Variants in GRM8 observed in about 807,000 individuals in gnomAD.
GRM8 encodes the protein glutamate metabotropic receptor 8, also known as metabotropic glutamate receptor 8.
Under a neutral mutation model 87.2 loss-of-function variants are expected in GRM8, and 47 were observed. That is an observed-to-expected ratio of 0.54 (90% CI 0.43 to 0.69). GRM8 has a LOEUF of 0.69. Ranked by LOEUF, GRM8 falls within the 30% of genes least tolerant of loss-of-function variation. The probability of loss-of-function intolerance (pLI) is 0.00; values close to 1 mark genes in which losing one functional copy is unlikely to be tolerated. For synonymous variants in GRM8, 396 were observed against 404.5 expected, an observed-to-expected ratio of 0.98 and a Z score of 0.25; for missense variants, 1,019 against 1,139.2, an observed-to-expected ratio of 0.89 and a Z score of 1.52.
chr7:126,696,260 G>T (rs2151383085), intron 7 of GRM8, among the ~76,000 whole-genome samples: 1 of 152,234 alleles, frequency 6.6e-6, no homozygotes, highest in Non-Finnish European at 1.5e-5. Context: ...ACATAAGTAG[G>T]ATGTGCAGGT....
chr7:126,680,296 A>G (rs987848930), intron 7 of GRM8, among the ~76,000 whole-genome samples: 3 of 152,180 alleles, frequency 2.0e-5, no homozygotes, highest in African/African-American at 7.2e-5. Context: ...GTCCTGCCTG[A>G]CCAGCCTGCT....
intron 6 of GRM8, among the ~76,000 whole-genome samples, chr7:126,866,049 C>T (rs903989776): frequency 2.6e-5 from 4 of 152,184 alleles, no homozygotes; most frequent in South Asian, 2.1e-4. Flanking sequence ...CTGCCAGCAA[C>T]GTAGGACATT....
chr7:127,059,125 T>G (rs911634501), intron 3 of GRM8, among the ~76,000 whole-genome samples: 6 of 152,088 alleles, frequency 3.9e-5, no homozygotes, highest in Non-Finnish European at 8.8e-5. Context: ...GAAAGGATAA[T>G]CTAGGGTTGC....
chr7:126,893,893 A>G (rs1801300505), intron 6 of GRM8, among the ~76,000 whole-genome samples: 1 of 151,954 alleles, frequency 6.6e-6, no homozygotes, highest in Non-Finnish European at 1.5e-5. Flanking sequence ...ACTGTATCCA[A>G]TCCTTTGTTC....
chr7:126,812,778 C>A (rs1401788947), intron 6 of GRM8, among the ~76,000 whole-genome samples: 5 of 151,968 alleles, frequency 3.3e-5, no homozygotes, highest in South Asian at 4.1e-4. Context: ...TCTAACAAAA[C>A]CCTAGAAAGT....
chr7:126,847,621 T>C (rs1796826442), intron 6 of GRM8, among the ~76,000 whole-genome samples: 1 of 152,106 alleles, frequency 6.6e-6, no homozygotes, highest in Non-Finnish European at 1.5e-5. Context: ...TTCTCCTACA[T>C]GGTAGCTTCA....
intron 3 of GRM8, among the ~76,000 whole-genome samples, chr7:127,011,286 T>G (rs879491313): frequency 6.6e-6 from 1 of 152,088 alleles, no homozygotes; most frequent in Non-Finnish European, 1.5e-5. Context: ...TAGTCAACAT[T>G]CAGTAAAATA....
chr7:126,966,846 T>C (rs149342721), intron 3 of GRM8, among the ~76,000 whole-genome samples: 174 of 152,302 alleles, frequency 1.1e-3, no homozygotes, highest in African/African-American at 4.0e-3. Flanking sequence ...GTGATGGACC[T>C]GAATTGTGAT....
At chr7:127,210,498 A>C (rs2116626350) in intron 2 of GRM8, among the ~76,000 whole-genome samples, 1 of 152,350 alleles carries the variant, frequency 6.6e-6, no homozygotes, top group Admixed American at 6.5e-5. Context: ...AAAACTGGAT[A>C]ATTATTTGTT....
intron 2 of GRM8, among the ~76,000 whole-genome samples, chr7:127,156,503 G>T (rs952965327): frequency 1.3e-5 from 2 of 152,168 alleles, no homozygotes; most frequent in African/African-American, 4.8e-5. Context: ...TAAAGAGGCA[G>T]CAAATGCTAA....
intron 2 of GRM8, among the ~76,000 whole-genome samples, chr7:127,215,853 T>TC (rs2116667290): frequency 1.3e-5 from 2 of 152,262 alleles, no homozygotes; most frequent in South Asian, 4.2e-4. Flanking sequence ...CTCTGTTACC[T>TC]CCCAGCTTAA....
At chr7:126,633,534 A>G (rs140228092) in intron 7 of GRM8, among the ~76,000 whole-genome samples, 16 of 152,268 alleles carry the variant, frequency 1.1e-4, no homozygotes, top group Non-Finnish European at 2.2e-4. Context: ...AATCTTTTTG[A>G]TTAAAATGAA....
intron 7 of GRM8, among the ~76,000 whole-genome samples, chr7:126,716,976 G>A (rs557353282): frequency 3.3e-5 from 5 of 152,282 alleles, no homozygotes; most frequent in African/African-American, 1.2e-4. Flanking sequence ...TTTTGAGGTG[G>A]AGAAAAGGAA....
At chr7:126,916,952 G>C (rs2131333134) in intron 3 of GRM8, among the ~76,000 whole-genome samples, 1 of 152,298 alleles carries the variant, frequency 6.6e-6, no homozygotes, top group East Asian at 1.9e-4. Flanking sequence ...CATGTGTTTA[G>C]TACATAAAAA....
At chr7:126,951,838 C>G (rs181210162) in intron 3 of GRM8, among the ~76,000 whole-genome samples, 22 of 151,920 alleles carry the variant, frequency 1.4e-4, no homozygotes, top group Admixed American at 6.6e-4. Context: ...GTACAAATGG[C>G]TTTAAATATC....
intron 3 of GRM8, among the ~76,000 whole-genome samples, chr7:127,007,214 C>T (rs889104482): frequency 6.6e-6 from 1 of 151,936 alleles, no homozygotes; most frequent in Non-Finnish European, 1.5e-5. Flanking sequence ...TGCTGGTTGG[C>T]ATGGTAGATA....
At chr7:126,470,366 G>C (rs544807811) in intron 9 of GRM8, among the ~76,000 whole-genome samples, 7 of 114,742 alleles carry the variant, frequency 6.1e-5, no homozygotes, top group African/African-American at 2.5e-4. Context: ...ACAGTCCCCA[G>C]AGTGTGAGGT....
intron 2 of GRM8, among the ~76,000 whole-genome samples, chr7:127,193,463 A>G (rs1412013001): frequency 1.3e-5 from 2 of 152,180 alleles, no homozygotes; most frequent in Non-Finnish European, 2.9e-5. Flanking sequence ...CTTTATTGGA[A>G]TGAATCCCCT....
chr7:126,628,471 G>C (rs967801372), intron 7 of GRM8, among the ~76,000 whole-genome samples: 1 of 152,050 alleles, frequency 6.6e-6, no homozygotes, highest in Non-Finnish European at 1.5e-5. Flanking sequence ...AATCAATCAT[G>C]GTATATGGTA....
Sources: allele counts gnomAD v4.1 joint callset (sites outside exome capture counted in the v4.1 genomes callset), GRCh38; gene constraint gnomAD v4.1.1; transcripts MANE v1.5; gene names NCBI Gene and HGNC (gene_info 2026-07-23, HGNC 2026-07-21).